Variants in CMIP observed in about 807,000 individuals in gnomAD.
CMIP encodes C-Maf-inducing protein.
In CMIP, 13 loss-of-function variants were observed where a neutral mutation model predicts 97.3. That is an observed-to-expected ratio of 0.13 (90% CI 0.09 to 0.21). CMIP has a LOEUF of 0.21. Among genes scored for constraint, CMIP ranks in the 10% least tolerant of loss-of-function variants. The probability of loss-of-function intolerance (pLI) is 1.00; values close to 1 mark genes in which losing one functional copy is unlikely to be tolerated. For missense variants in CMIP, 847 were observed against 1,024.9 expected (o/e 0.83, Z 2.37); for synonymous variants, 538 against 436.3 (o/e 1.23, Z -2.91).
At chr16:81,556,482 C>T (rs911164995) in intron 1 of CMIP, among the ~76,000 whole-genome samples, 2 of 152,312 alleles carry the variant, frequency 1.3e-5, no homozygotes, top group Admixed American at 6.5e-5. Context: ...TGTGATTTCT[C>T]CACAATGTGC....
intron 3 of CMIP, among the ~76,000 whole-genome samples, chr16:81,623,253 G>A (rs1333676388): frequency 6.6e-6 from 1 of 152,206 alleles, no homozygotes; most frequent in Non-Finnish European, 1.5e-5. Flanking sequence ...ACAGTTGATT[G>A]AGCAAGTCCA....
chr16:81,613,064 A>G (rs1160728669), intron 2 of CMIP, among the ~76,000 whole-genome samples: 3 of 152,198 alleles, frequency 2.0e-5, no homozygotes, highest in African/African-American at 7.2e-5. Context: ...GACTCAAGAC[A>G]TTGCCTAGCA....
At chr16:81,633,150 C>T (rs566726384) in intron 3 of CMIP, among the ~76,000 whole-genome samples, 2 of 152,366 alleles carry the variant, frequency 1.3e-5, no homozygotes, top group African/African-American at 4.8e-5. Context: ...TTTTCTCGCC[C>T]TTTAAAGACA....
chr16:81,680,992 C>T (rs780199640), intron 10 of CMIP, among the ~76,000 whole-genome samples: 1 of 152,322 alleles, frequency 6.6e-6, no homozygotes, highest in Non-Finnish European at 1.5e-5. Flanking sequence ...GCTCTGTTCT[C>T]CCCCATCTGC....
At chr16:81,607,915 T>C (rs1412292227) in intron 2 of CMIP, among the ~76,000 whole-genome samples, 1 of 152,248 alleles carries the variant, frequency 6.6e-6, no homozygotes, top group Admixed American at 6.5e-5. Context: ...TGCTGCAGTC[T>C]AGGAACTTTT....
chr16:81,446,064 C>T (rs1249049816), intron 1 of CMIP, among the ~76,000 whole-genome samples: 2 of 152,144 alleles, frequency 1.3e-5, no homozygotes, highest in South Asian at 4.1e-4. Context: ...CCTTTATTCT[C>T]TTTCCTGCCA....
chr16:81,660,248 T>C (rs897797366), intron 5 of CMIP, among the ~76,000 whole-genome samples: 3 of 152,042 alleles, frequency 2.0e-5, no homozygotes, highest in Non-Finnish European at 4.4e-5. Context: ...ACTTAAAATC[T>C]CATTTTGCAA....
intron 9 of CMIP, 89 bp from the exon 10 acceptor site, chr16:81,678,186 G>A (rs1284931217): frequency 2.0e-6 from 2 of 979,458 alleles, no homozygotes; most frequent in Non-Finnish European, 2.9e-6. Flanking sequence ...GCCTCATCCT[G>A]GGATTCAGGG....
chr16:81,585,912 A>G (rs974543645), intron 1 of CMIP, among the ~76,000 whole-genome samples: 1 of 152,008 alleles, frequency 6.6e-6, no homozygotes, highest in African/African-American at 2.4e-5. Context: ...CACCTGTCTC[A>G]CCAGCACTGA....
At chr16:81,671,872 C>A in intron 8 of CMIP, 94 bp from the exon 9 acceptor site, 1 of 640,874 alleles carries the variant, frequency 1.6e-6, no homozygotes, top group Non-Finnish European at 2.8e-6. Flanking sequence ...GCGGGCAGCC[C>A]CGTGCCTGAG....
chr16:81,562,223 G>T (rs890817268), intron 1 of CMIP, among the ~76,000 whole-genome samples: 1 of 152,206 alleles, frequency 6.6e-6, no homozygotes, highest in Non-Finnish European at 1.5e-5. Context: ...GCCAAACTCG[G>T]ATCTCCTGGG....
In CMIP at chr16:81,629,134, T is replaced by TAAAAAA. The variant is rs10533097; in HGVS notation, c.477+8235_477+8240dup. ...CTGGGTGACAGAGTGAAACTGTGCTTAAAAAAAAAAAAAAAAAAAAAAAAA... is the reference window on the plus strand; with the variant it reads ...CTGGGTGACAGAGTGAAACTGTGCTTAAAAAAAAAAAAAAAAAAAAAAAAAAAAAAA... On this transcript the variant is annotated intron_variant, in intron 3 of 20. Coordinates refer to ENST00000537098, the MANE Select transcript of CMIP (RefSeq NM_198390.3). 6.1e-4 allele frequency among the ~76,000 whole-genome samples: 28 copies of TAAAAAA among 45,694 alleles called. 3 individuals are homozygous for TAAAAAA. Among genetic ancestry groups the TAAAAAA allele is most frequent in the African/African-American group, 8.1e-4 (11 of 13,602 alleles). 30.0% of individuals were successfully genotyped at this position (45,694 alleles called of 152,430 possible). A position where few individuals can be genotyped will look rare whatever the true frequency, so the allele number is the denominator to read the frequency against.
chr16:81,445,954 C>T (rs1291106359), intron 1 of CMIP, among the ~76,000 whole-genome samples: 1 of 146,616 alleles, frequency 6.8e-6, no homozygotes, highest in Non-Finnish European at 1.5e-5. Context: ...AAAATACCAC[C>T]CCTCAGATTT....
At chr16:81,474,860 G>A (rs1356228649) in intron 1 of CMIP, among the ~76,000 whole-genome samples, 5 of 152,246 alleles carry the variant, frequency 3.3e-5, no homozygotes, top group African/African-American at 1.2e-4. Context: ...CAGCCATGGG[G>A]GGCGGGCGGG....
intron 15 of CMIP, among the ~76,000 whole-genome samples, chr16:81,701,173 C>T (rs3751857): frequency 4.0e-5 from 6 of 151,384 alleles, no homozygotes; most frequent in Non-Finnish European, 1.5e-5. Context: ...GGCTGTCAGG[C>T]GTGTTGACCC....
chr16:81,684,678 T>G (rs1363269362), intron 10 of CMIP, among the ~76,000 whole-genome samples: 1 of 152,184 alleles, frequency 6.6e-6, no homozygotes, highest in African/African-American at 2.4e-5. Flanking sequence ...ATCTGTGAAA[T>G]GGGGGTTCTA....
intron 1 of CMIP, among the ~76,000 whole-genome samples, chr16:81,454,659 A>G (rs1291879044): frequency 6.6e-6 from 1 of 152,258 alleles, no homozygotes; most frequent in African/African-American, 2.4e-5. Context: ...GCTCTCAGGC[A>G]TGGCACTTGG....
intron 1 of CMIP, among the ~76,000 whole-genome samples, chr16:81,535,875 A>G (rs189789229): frequency 6.6e-6 from 1 of 152,292 alleles, no homozygotes; most frequent in African/African-American, 2.4e-5. Flanking sequence ...CTAGGACTCC[A>G]GGTCAGTTTA....
intron 3 of CMIP, among the ~76,000 whole-genome samples, chr16:81,629,506 A>C (rs1597166962): frequency 6.6e-6 from 1 of 151,510 alleles, no homozygotes; most frequent in Admixed American, 6.6e-5. Flanking sequence ...CTTGAACCCC[A>C]CCCCACCTCC....
Sources: gnomAD v4.1 joint callset for allele counts (sites outside exome capture counted in the v4.1 genomes callset) on GRCh38, gnomAD v4.1.1 for gene constraint, MANE v1.5 for transcripts, NCBI Gene and HGNC (gene_info 2026-07-23, HGNC 2026-07-21) for gene names.